Variants in CSGALNACT1 observed in about 807,000 individuals in gnomAD.
CSGALNACT1 encodes chondroitin sulfate N-acetylgalactosaminyltransferase 1, also known as beta4GalNAcT-1.
Under a neutral mutation model 51.0 loss-of-function variants are expected in CSGALNACT1, and 52 were observed. That is an observed-to-expected ratio of 1.02 (90% CI 0.82 to 1.29). CSGALNACT1 has a LOEUF of 1.29. Ranked by LOEUF, CSGALNACT1 falls within the 50% of genes most tolerant of loss-of-function variation. The pLI is 0.00. For missense variants in CSGALNACT1, 935 were observed against 679.2 expected (o/e 1.38, Z -4.19); for synonymous variants, 341 against 254.4 (o/e 1.34, Z -3.24).
intron 1 of CSGALNACT1, among the ~76,000 whole-genome samples, chr8:19,691,287 G>C (rs754435872): frequency 2.6e-5 from 4 of 152,124 alleles, no homozygotes; most frequent in Non-Finnish European, 5.9e-5. Context: ...AGCCAACGAT[G>C]CACAGGCCTC....
chr8:19,405,006 G>C (rs1309610177), exon 10 of CSGALNACT1: 1 of 453,606 alleles, frequency 2.2e-6, no homozygotes, highest in African/African-American at 2.0e-5. Context: ...GCATCAATTT[G>C]ATGCTTTGAA....
intron 3 of CSGALNACT1, among the ~76,000 whole-genome samples, chr8:19,538,809 T>G (rs1035015787): frequency 2.0e-5 from 3 of 152,108 alleles, no homozygotes; most frequent in Non-Finnish European, 4.4e-5. Context: ...CTGGTTCCGT[T>G]GCTTCCTAGA....
intron 3 of CSGALNACT1, among the ~76,000 whole-genome samples, chr8:19,560,905 G>C (rs2040554702): frequency 6.6e-6 from 1 of 152,126 alleles, no homozygotes; most frequent in Non-Finnish European, 1.5e-5. Context: ...CCCTAAGGTG[G>C]ATAAACACAC....
intron 4 of CSGALNACT1, among the ~76,000 whole-genome samples, chr8:19,502,322 A>G (rs933448671): frequency 6.6e-5 from 10 of 152,180 alleles, no homozygotes; most frequent in Admixed American, 1.3e-4. Context: ...CAGAGAACAT[A>G]TATGTTCAGT....
chr8:19,431,014 T>A (rs11204040), intron 6 of CSGALNACT1, among the ~76,000 whole-genome samples: 69,941 of 151,990 alleles, frequency 0.46, 17,640 homozygotes, highest in East Asian at 0.84. Context: ...CAATTAACCT[T>A]TGTATATTGA....
rs185124510 is a variant in CSGALNACT1 at position 19,491,566 on chromosome 8, T to C, written c.634+13635A>G. Among the ~76,000 whole-genome samples, 60 of 152,362 alleles carry C rather than the reference T, an allele frequency of 3.9e-4. No homozygotes were observed. The East Asian group carries it at 0.011, about 27-fold the overall frequency. On this transcript the variant is annotated intron_variant, in intron 4 of 9. Transcript: ENST00000454498. ...CGTATTTTACATTTGTTTTAAACTTTATTAGGTAAGAAAAAGTAAACAGTT... is the reference window on the plus strand; with the variant it reads ...CGTATTTTACATTTGTTTTAAACTTCATTAGGTAAGAAAAAGTAAACAGTT...
chr8:19,606,317 G>C (rs1164416600), upstream of CSGALNACT1, among the ~76,000 whole-genome samples: 2 of 152,250 alleles, frequency 1.3e-5, no homozygotes, highest in East Asian at 1.9e-4. Context: ...AATCAGTGAA[G>C]TCCCTTATGT....
At chr8:19,611,109 T>C (rs1411117428) in intron 1 of CSGALNACT1, among the ~76,000 whole-genome samples, 1 of 152,136 alleles carries the variant, frequency 6.6e-6, no homozygotes, top group Non-Finnish European at 1.5e-5. Context: ...TAGTTAAAAT[T>C]GTGAGTAATT....
chr8:19,450,250 G>A (rs1586279820), intron 5 of CSGALNACT1, among the ~76,000 whole-genome samples: 1 of 100,504 alleles, frequency 9.9e-6, no homozygotes, highest in African/African-American at 3.9e-5. Context: ...GAGGAAGAGG[G>A]GGAGGAACAG....
chr8:19,647,604 G>C (rs551525860), intron 1 of CSGALNACT1, among the ~76,000 whole-genome samples: 6 of 152,128 alleles, frequency 3.9e-5, no homozygotes, highest in Non-Finnish European at 5.9e-5. Flanking sequence ...CCACAGATCG[G>C]AGTTTTCTTT....
intron 1 of CSGALNACT1, among the ~76,000 whole-genome samples, chr8:19,649,221 C>CT (rs2057551899): frequency 6.6e-6 from 1 of 152,134 alleles, no homozygotes; most frequent in African/African-American, 2.4e-5. Context: ...CCCAGGATCA[C>CT]AAAGTTGGTG....
intron 5 of CSGALNACT1, among the ~76,000 whole-genome samples, chr8:19,451,609 C>T (rs193090613): frequency 2.0e-4 from 30 of 152,312 alleles, no homozygotes; most frequent in Middle Eastern, 3.4e-3. Flanking sequence ...CTGGCCAGTA[C>T]GCCGGGTGAG....
At chr8:19,527,524 C>T (rs150931065) in intron 3 of CSGALNACT1, among the ~76,000 whole-genome samples, 185 of 152,260 alleles carry the variant, frequency 1.2e-3, no homozygotes, top group Middle Eastern at 3.4e-3. Flanking sequence ...GACGGAAAAT[C>T]GCTTGAACCT....
chr8:19,563,614 T>G (rs1272146487), intron 3 of CSGALNACT1, among the ~76,000 whole-genome samples: 6 of 152,122 alleles, frequency 3.9e-5, no homozygotes, highest in African/African-American at 1.4e-4. Flanking sequence ...TTCCTCCTAT[T>G]CCCACAGCCC....
In CSGALNACT1 at chr8:19,530,570, A is replaced by G. The variant is rs569380986; in HGVS notation, c.-296-24440T>C. Among the ~76,000 whole-genome samples the G allele has an allele frequency of 9.9e-4, 151 of 152,238 alleles. 2 individuals are homozygous for G. Among genetic ancestry groups the G allele is most frequent in the African/African-American group, 3.5e-3 (145 of 41,540 alleles). On this transcript the variant is annotated intron_variant, in intron 3 of 9. Transcript: ENST00000454498. ...ATGTAAAACCGATAGCACAGCAGAA[A>G]AAAGTAAATTGTTCACCGGGCACAG...
chr8:19,420,378 G>C (rs1253481144), exon 7 of CSGALNACT1: 3 of 1,614,078 alleles, frequency 1.9e-6, no homozygotes, highest in Admixed American at 1.7e-5. Context: ...GAGGAATTCA[G>C]ATGTGAAGTA....
intron 1 of CSGALNACT1, among the ~76,000 whole-genome samples, chr8:19,747,667 T>C (rs2064764083): frequency 6.6e-6 from 1 of 152,194 alleles, no homozygotes; most frequent in South Asian, 2.1e-4. Context: ...AGTCCACAAA[T>C]TTCATTGCTT....
intron 8 of CSGALNACT1, among the ~76,000 whole-genome samples, chr8:19,417,576 G>A (rs150222063): frequency 1.2e-4 from 19 of 152,312 alleles, no homozygotes; most frequent in African/African-American, 4.3e-4. Context: ...CAGAGGCCTG[G>A]TGCTATCGTG....
chr8:19,579,450 C>G (rs1262699717), intron 3 of CSGALNACT1, among the ~76,000 whole-genome samples: 1 of 152,212 alleles, frequency 6.6e-6, no homozygotes, highest in African/African-American at 2.4e-5. Flanking sequence ...AACCTTTCCC[C>G]TGGTGTAAAT....
Sources: allele counts gnomAD v4.1 joint callset (sites outside exome capture counted in the v4.1 genomes callset), GRCh38; gene constraint gnomAD v4.1.1; transcripts MANE v1.5; gene names NCBI Gene and HGNC (gene_info 2026-07-23, HGNC 2026-07-21).